Variants in ACADSB observed in about 807,000 individuals in gnomAD.
ACADSB encodes short/branched chain specific acyl-CoA dehydrogenase, mitochondrial.
A neutral mutation model predicts 54.1 loss-of-function variants in ACADSB; 40 were observed. The observed-to-expected ratio is 0.74, with a 90% confidence interval of 0.57 to 0.96. The LOEUF is 0.96. Among genes scored for constraint, ACADSB ranks in the 40% least tolerant of loss-of-function variants. The pLI is 0.00. For synonymous variants in ACADSB, 182 were observed against 182.8 expected (o/e 1.00, Z 0.03); for missense variants, 530 against 510.4 (o/e 1.04, Z -0.37).
At chr10:123,036,571 A>T (rs1850401774) in intron 2 of ACADSB, among the ~76,000 whole-genome samples, 1 of 152,226 alleles carries the variant, frequency 6.6e-6, no homozygotes, top group South Asian at 2.1e-4. Context: ...GTCTAAGCAC[A>T]GAAGCAATAA....
intron 1 of ACADSB, among the ~76,000 whole-genome samples, chr10:123,018,245 C>G (rs925665790): frequency 6.6e-6 from 1 of 152,142 alleles, no homozygotes; most frequent in Non-Finnish European, 1.5e-5. Flanking sequence ...AAGTGAGTGT[C>G]TGGTTTCATT....
At chr10:123,019,806 C>T (rs1402628340) in intron 1 of ACADSB, among the ~76,000 whole-genome samples, 1 of 152,222 alleles carries the variant, frequency 6.6e-6, no homozygotes, top group African/African-American at 2.4e-5. Context: ...ACAGTTCCAA[C>T]AGCATAAGGA....
chr10:123,053,837 T>A lies in ACADSB; in HGVS notation c.*72T>A. ...TTAAACGGTTGTGTCTTGTTGGGAG[T>A]AAGTGCCTTGCGTGGGAATAAACTT... On this transcript the variant is annotated 3_prime_UTR_variant, in exon 11 of 11. Coordinates refer to ENST00000358776, the MANE Select transcript of ACADSB (RefSeq NM_001609.4). The A allele has an allele frequency of 7.4e-7, 1 of 1,347,140 alleles. No individual in the cohort carries two copies. Among genetic ancestry groups the A allele is most frequent in the Non-Finnish European group, 1.1e-6 (1 of 937,528 alleles). 83.4% of individuals were successfully genotyped at this position (1,347,140 alleles called of 1,614,324 possible).
chr10:123,033,479 G>A (rs1850355382), intron 1 of ACADSB, among the ~76,000 whole-genome samples: 1 of 152,140 alleles, frequency 6.6e-6, no homozygotes, highest in Non-Finnish European at 1.5e-5. Flanking sequence ...CAACAGGAAG[G>A]CACTCTCATG....
At chr10:123,048,546 G>C (rs1304699608) in intron 8 of ACADSB, among the ~76,000 whole-genome samples, 1 of 152,078 alleles carries the variant, frequency 6.6e-6, no homozygotes, top group African/African-American at 2.4e-5. Context: ...TTGAAGGGAG[G>C]CTTTTGATCT....
At chr10:123,033,054 C>T (rs1340818807) in intron 1 of ACADSB, among the ~76,000 whole-genome samples, 1 of 152,106 alleles carries the variant, frequency 6.6e-6, no homozygotes, top group African/African-American at 2.4e-5. Flanking sequence ...TCTTCCTGTC[C>T]ATCTCATCAA....
rs374023307 is a variant in ACADSB, at chr10:123,043,069, C to A, written c.705C>A (p.Phe235Leu). 3 of 1,613,800 alleles carry A rather than the reference C, an allele frequency of 1.9e-6. No individual in the cohort carries two copies. The highest frequency in any genetic ancestry group is 2.5e-6 in the Non-Finnish European group (3 of 1,179,818). Reference sequence around the variant, plus strand: ...AGGGATATAAGGGAATTACCTCCTTCTTAGTAGATCGTGATACTCCGGGCC... The same window carrying A: ...AGGGATATAAGGGAATTACCTCCTTATTAGTAGATCGTGATACTCCGGGCC... The part of the protein sequence containing the change: ...PTIGYKGITS[F>L]LVDRDTPGLH... The change falls in exon 6 of 11, where the codon TTC (phenylalanine) becomes TTA (leucine). Residue 235 changes from phenylalanine to leucine, a missense_variant. Physicochemically the swap from Phe to Leu is conservative, Grantham distance 22. Transcript: ENST00000358776.
Position 123,053,101 on chromosome 10 carries a change from G to C in ACADSB, c.1169G>C (p.Gly390Ala). 6.2e-7 allele frequency: 1 copy of C among 1,614,134 alleles called. No individual in the cohort carries two copies. Among genetic ancestry groups the C allele is most frequent in the Non-Finnish European group, 8.5e-7 (1 of 1,180,008 alleles). The change falls in exon 10 of 11, where the codon GGG (glycine) becomes GCG (alanine). Residue 390 changes from glycine (G) to alanine (A), a missense_variant. Gly to Ala is a moderately conservative substitution (Grantham distance 60, BLOSUM62 0). Coordinates refer to ENST00000358776, the MANE Select transcript of ACADSB (RefSeq NM_001609.4). Reference sequence around the variant, plus strand: ...ACGAGTAAATGTATCGAGTGGATGGGGGGAGTAGGCTACACCAAAGATTAC... The same window carrying C: ...ACGAGTAAATGTATCGAGTGGATGGCGGGAGTAGGCTACACCAAAGATTAC... The part of the protein sequence containing the change: ...QTTSKCIEWM[G>A]GVGYTKDYPV...
chr10:123,047,972 G>A (rs1564753734), intron 8 of ACADSB, among the ~76,000 whole-genome samples: 1 of 152,132 alleles, frequency 6.6e-6, no homozygotes, highest in East Asian at 1.9e-4. Flanking sequence ...GGCAATCTGG[G>A]GATTCCTTGG....
intron 5 of ACADSB, among the ~76,000 whole-genome samples, chr10:123,041,966 C>CTTTTTTTTTTTTTTTTTTTTTTTTGT (rs373340179): frequency 7.5e-6 from 1 of 132,698 alleles, no homozygotes; most frequent in African/African-American, 2.8e-5. Flanking sequence ...TTTTTCTTTT[C>CTTTTTTTTTTTTTTTTTTTTTTTTGT]TTTTTTTTTT....
At chr10:123,044,761 A>G (rs1850528414) in intron 7 of ACADSB, among the ~76,000 whole-genome samples, 2 of 152,200 alleles carry the variant, frequency 1.3e-5, no homozygotes, top group South Asian at 4.1e-4. Context: ...TTTCAAATGT[A>G]TTGTAAATTA....
At chr10:123,050,921 C>A (rs753127992) in intron 8 of ACADSB, 128 bp from the exon 9 acceptor site, 1 of 877,710 alleles carries the variant, frequency 1.1e-6, no homozygotes, top group South Asian at 1.6e-5. Flanking sequence ...ATTTAAAAGA[C>A]GTGAATGTAA....
In ACADSB at chr10:123,034,467, G is replaced by T. The variant is rs1164586012; in HGVS notation, c.154G>T (p.Ala52Ser). The T allele has an allele frequency of 6.2e-7, 1 of 1,612,470 alleles. No individual in the cohort carries two copies. Among genetic ancestry groups the T allele is most frequent in the Admixed American group, 1.7e-5 (1 of 60,016 alleles). Reference protein sequence around the residue: ...LNITNNGIHFAPLQTFTDEEM... With the variant: ...LNITNNGIHFSPLQTFTDEEM... Reference sequence around the variant, plus strand: ...TATAACAAATAATGGAATACACTTTGCTCCCCTGCAAACATTTACAGATGA... The same window carrying T: ...TATAACAAATAATGGAATACACTTTTCTCCCCTGCAAACATTTACAGATGA... The change falls in exon 2 of 11, where the codon GCT (alanine) becomes TCT (serine). Residue 52 changes from alanine to serine, a missense_variant. Coordinates refer to ENST00000358776, the MANE Select transcript of ACADSB (RefSeq NM_001609.4).
intron 7 of ACADSB, 64 bp from the exon 8 acceptor site, chr10:123,047,145 C>T: frequency 7.5e-7 from 1 of 1,329,406 alleles, no homozygotes; most frequent in South Asian, 1.2e-5. Flanking sequence ...AGGGAATTCA[C>T]AACTTGGATA....
intron 1 of ACADSB, among the ~76,000 whole-genome samples, chr10:123,026,818 C>G (rs1248347573): frequency 6.6e-6 from 1 of 151,372 alleles, no homozygotes; most frequent in Non-Finnish European, 1.5e-5. Flanking sequence ...TTCCTATTTG[C>G]TTATATTTGT....
intron 5 of ACADSB, among the ~76,000 whole-genome samples, chr10:123,042,457 C>CTTTTTTTT (rs60480402): frequency 8.6e-6 from 1 of 115,794 alleles, no homozygotes; most frequent in Admixed American, 1.1e-4. Context: ...ATTGTTAAAA[C>CTTTTTTTT]TTTTTTTTTT....
Position 123,057,323 on chromosome 10 carries a change from A to G in ACADSB, c.*3558A>G, listed in dbSNP as rs551661888. The G allele has an allele frequency of 3.9e-5, 6 of 152,338 alleles. No individual in the cohort carries two copies. The highest frequency in any genetic ancestry group is 2.9e-5 in the Non-Finnish European group (2 of 68,040). The allele number at this position is 152,338 out of a possible 1,614,324, so 9.4% of individuals were successfully genotyped here. A position where few individuals can be genotyped will look rare whatever the true frequency, so the allele number is the denominator to read the frequency against. ...TATTCACCAATAACAGTTAAAATTA[A>G]TTATGTGTTATAGTTAATATATGCA... On this transcript the variant is annotated 3_prime_UTR_variant, in exon 11 of 11. Transcript: ENST00000358776.
intron 7 of ACADSB, among the ~76,000 whole-genome samples, chr10:123,045,144 TA>T (rs1850535927): frequency 3.0e-4 from 4 of 13,550 alleles, no homozygotes; most frequent in Non-Finnish European, 4.2e-4. Context: ...TATATATATA[TA>T]TATATATATA....
In ACADSB at chr10:123,009,089, T is replaced by A. The variant is rs368228443; in HGVS notation, c.42+18T>A. On this transcript the variant is annotated intron_variant, in intron 1 of 10. Coordinates refer to ENST00000358776, the MANE Select transcript of ACADSB (RefSeq NM_001609.4). The stretch of plus-strand genomic sequence containing the variant: ...GCAGGCTGGTGAGTGCGTTCGAGGC[T>A]GGCGTCCTGGGGGCCCAGGGCGACC... The A allele has an allele frequency of 6.5e-7, 1 of 1,544,332 alleles. No individual in the cohort carries two copies. Among genetic ancestry groups the A allele is most frequent in the African/African-American group, 1.4e-5 (1 of 73,014 alleles).
Sources: gnomAD v4.1 joint callset for allele counts (sites outside exome capture counted in the v4.1 genomes callset) on GRCh38, gnomAD v4.1.1 for gene constraint, MANE v1.5 for transcripts, NCBI Gene and HGNC (gene_info 2026-07-23, HGNC 2026-07-21) for gene names.